The following TFB2M variants were observed in gnomAD, a reference collection of about 807,000 sequenced individuals.
TFB2M encodes the protein dimethyladenosine transferase 2, mitochondrial.
In TFB2M, 44 loss-of-function variants were observed where a neutral mutation model predicts 41.3. The observed-to-expected ratio is 1.07, with a 90% CI of 0.84 to 1.37. TFB2M has a LOEUF of 1.37. Ranked by LOEUF, TFB2M falls within the 40% of genes most tolerant of loss-of-function variation. The probability of loss-of-function intolerance (pLI) is 0.00; values close to 1 mark genes in which losing one functional copy is unlikely to be tolerated. For missense variants in TFB2M, 496 were observed against 490.2 expected, an observed-to-expected ratio of 1.01 and a Z score of -0.11; for synonymous variants, 188 against 176.8, an observed-to-expected ratio of 1.06 and a Z score of -0.50.
chr1:246,550,857 T>A (rs993236085), intron 5 of TFB2M, among the ~76,000 whole-genome samples: 2 of 152,162 alleles, frequency 1.3e-5, no homozygotes, highest in Admixed American at 1.3e-4. Flanking sequence ...CTCCCCAGCC[T>A]GGGTGACTTG....
chr1:246,553,464 GTT>G (rs1659239490), intron 4 of TFB2M, among the ~76,000 whole-genome samples: 1 of 152,190 alleles, frequency 6.6e-6, no homozygotes, highest in Non-Finnish European at 1.5e-5. Context: ...GAACCCAGAA[GTT>G]CAAGACCAGC....
At chr1:246,544,999 G>A (rs553530819) in intron 6 of TFB2M, among the ~76,000 whole-genome samples, 84 of 151,998 alleles carry the variant, frequency 5.5e-4, no homozygotes, top group East Asian at 1.4e-3. Flanking sequence ...TAGAGATGGG[G>A]TTTCACCGTG....
intron 6 of TFB2M, among the ~76,000 whole-genome samples, chr1:246,545,172 A>T (rs1417670385): frequency 1.3e-5 from 2 of 152,196 alleles, no homozygotes; most frequent in Non-Finnish European, 2.9e-5. Flanking sequence ...GAATTGGGCC[A>T]TTTCTCAGAG....
chr1:246,560,775 T>C (rs60563481), intron 2 of TFB2M, among the ~76,000 whole-genome samples: 5,725 of 152,240 alleles, frequency 0.038, 183 homozygotes, highest in East Asian at 0.16. Flanking sequence ...AAGTAACCCT[T>C]GAGTTTTTAC....
At chr1:246,553,826 A>G (rs3120708) in intron 4 of TFB2M, among the ~76,000 whole-genome samples, 145,627 of 152,294 alleles carry the variant, frequency 0.96, 69,770 homozygotes, top group Non-Finnish European at 0.99. Context: ...ATCCTAACGC[A>G]TTTTGGAGAA....
chr1:246,544,928 C>G (rs1206967781), intron 6 of TFB2M, among the ~76,000 whole-genome samples: 1 of 152,102 alleles, frequency 6.6e-6, no homozygotes, highest in Non-Finnish European at 1.5e-5. Flanking sequence ...GCCTCAGCCT[C>G]CCGAGTAGCT....
intron 7 of TFB2M, among the ~76,000 whole-genome samples, chr1:246,542,716 C>T (rs1658896425): frequency 6.6e-6 from 1 of 152,092 alleles, no homozygotes; most frequent in South Asian, 2.1e-4. Context: ...ATCTTGGTAA[C>T]ATGTTTCTAG....
In TFB2M at chr1:246,556,621, T is replaced by C; in HGVS notation, c.657A>G (p.Lys219=). The part of the protein sequence containing the change: ...YDLYSCTSIY[K]FGRIEVNMFI... ...ACATATTTACTTCTATTCGTCCAAA[T>C]TTATATATAGAAGTACAGGAATACA... The change falls in exon 4 of 8, where the codon AAA becomes AAG. Residue 219 remains lysine (K), a synonymous_variant. Transcript: ENST00000366514. The C allele has an allele frequency of 6.4e-7, 1 of 1,557,194 alleles. No homozygotes were observed. Among genetic ancestry groups the C allele is most frequent in the Non-Finnish European group, 8.7e-7 (1 of 1,155,464 alleles).
chr1:246,545,741 C>T (rs142272850), intron 6 of TFB2M, among the ~76,000 whole-genome samples: 39 of 135,420 alleles, frequency 2.9e-4, no homozygotes, highest in African/African-American at 1.0e-3. Flanking sequence ...GAGACTGCTG[C>T]GTGGAGTTTG....
chr1:246,544,697 A>C lies in TFB2M; in HGVS notation c.859-16T>G, dbSNP rs1187604876. 6.3e-7 allele frequency: 1 copy of C among 1,577,372 alleles called. No individual in the cohort carries two copies. The highest frequency in any genetic ancestry group is 1.4e-5 in the African/African-American group (1 of 72,388). On this transcript the variant is annotated splice_polypyrimidine_tract_variant and intron_variant, in intron 6 of 7. Transcript: ENST00000366514. ...CTAATAATTCCTGGAGAGAAGAAAA[A>C]ATGAATTGCATTAGTCACAAAATAT...
rs1659529161 is a variant in TFB2M, at chr1:246,564,196, G to A, written c.402+150C>T. On this transcript the variant is annotated intron_variant, in intron 2 of 7. Transcript: ENST00000366514. ...TTCAACAGCACTGAATATTAACTGT[G>A]TTCTAGTCTTTGGGAATAAACAAGA... 2.8e-5 allele frequency: 18 copies of A among 649,964 alleles called. No homozygotes were observed. In the South Asian group the frequency reaches 3.4e-4, roughly 12 times the overall value. The allele number at this position is 649,964 out of a possible 1,614,324, so 40.3% of individuals were successfully genotyped here. A position where few individuals can be genotyped will look rare whatever the true frequency, so the allele number is the denominator to read the frequency against.
intron 2 of TFB2M, among the ~76,000 whole-genome samples, chr1:246,559,285 A>G (rs1659396630): frequency 6.6e-6 from 1 of 152,146 alleles, no homozygotes; most frequent in Admixed American, 6.5e-5. Context: ...GCAGTGGCTC[A>G]CACGTGTAAT....
At chr1:246,550,982 G>A (rs556510215) in intron 5 of TFB2M, among the ~76,000 whole-genome samples, 4 of 152,178 alleles carry the variant, frequency 2.6e-5, no homozygotes, top group Non-Finnish European at 5.9e-5. Context: ...TTGAGGCCAG[G>A]AGTTCAAGAC....
rs531869092 is a variant in TFB2M at position 246,551,526 on chromosome 1, G to A, written c.706-224C>T. Among the ~76,000 whole-genome samples, 6 of 152,330 alleles carry A rather than the reference G, an allele frequency of 3.9e-5. No homozygotes were observed. In the South Asian group the frequency reaches 1.0e-3, roughly 26 times the overall value. On this transcript the variant is annotated intron_variant, in intron 4 of 7. Transcript: ENST00000366514. ...GAGCCCAGGCATTTGGGCGTTCCGT[G>A]TGAGATGATCGTGCCTGTGAATAGC...
intron 2 of TFB2M, among the ~76,000 whole-genome samples, chr1:246,563,418 A>G (rs1208272187): frequency 6.6e-6 from 1 of 152,146 alleles, no homozygotes; most frequent in Non-Finnish European, 1.5e-5. Context: ...AGCCTGGCCA[A>G]CATGGTGAAA....
chr1:246,559,638 G>A (rs1363248848), intron 2 of TFB2M, among the ~76,000 whole-genome samples: 1 of 152,134 alleles, frequency 6.6e-6, no homozygotes, highest in Non-Finnish European at 1.5e-5. Flanking sequence ...AAAGACTGGG[G>A]GTGGAAATCA....
intron 7 of TFB2M, among the ~76,000 whole-genome samples, chr1:246,541,832 G>T (rs929793893): frequency 2.0e-4 from 30 of 152,144 alleles, no homozygotes; most frequent in African/African-American, 7.2e-4. Flanking sequence ...TACAAAGAGG[G>T]AATCATTTTT....
chr1:246,544,236 G>A (rs1658938037), intron 7 of TFB2M, among the ~76,000 whole-genome samples: 1 of 152,202 alleles, frequency 6.6e-6, no homozygotes, highest in African/African-American at 2.4e-5. Flanking sequence ...GTGGTAGGCA[G>A]CTAGTGCTTC....
intron 2 of TFB2M, 44 bp from the exon 3 acceptor site, chr1:246,557,578 A>G: frequency 1.3e-6 from 2 of 1,484,240 alleles, no homozygotes; most frequent in Middle Eastern, 1.8e-4. Context: ...TTCAGCATTA[A>G]GTATACTTTG....
Sources: gnomAD v4.1 joint callset for allele counts (sites outside exome capture counted in the v4.1 genomes callset) on GRCh38, gnomAD v4.1.1 for gene constraint, MANE v1.5 for transcripts, NCBI Gene and HGNC (gene_info 2026-07-23, HGNC 2026-07-21) for gene names.